CMC2: variants seen among roughly 807,000 people sequenced by gnomAD.
The protein encoded by CMC2 is COX assembly mitochondrial protein 2 homolog.
CMC2 carries 5 observed loss-of-function variants against 7.5 expected under a neutral mutation model. The observed-to-expected ratio is 0.66, with a 90% CI of 0.35 to 1.40. The LOEUF (loss-of-function observed/expected upper bound fraction) is 1.40. CMC2 is among the 40% of genes most tolerant of loss of function. The probability of loss-of-function intolerance (pLI) is 0.04; values close to 1 mark genes in which losing one functional copy is unlikely to be tolerated. For synonymous variants in CMC2, 37 were observed against 31.4 expected (o/e 1.18, Z -0.60); for missense variants, 115 against 92.3 (o/e 1.25, Z -1.01).
chr16:80,972,998 C>G lies in CMC2; in HGVS notation c.*3095G>C, dbSNP rs1045365438. On this transcript the variant is annotated 3_prime_UTR_variant, in exon 4 of 4. Coordinates refer to ENST00000219400, the MANE Select transcript of CMC2 (RefSeq NM_020188.5). ...CTCCCTCCAGCTTCTTCGGCTTCCA[C>G]TGCATATGGGAATTCAAAATATTTG... 1.3e-5 allele frequency: 2 copies of G among 152,500 alleles called. No homozygotes were observed. The highest frequency in any genetic ancestry group is 4.8e-5 in the African/African-American group (2 of 41,468). The allele number at this position is 152,500 out of a possible 1,614,324, so 9.4% of individuals were successfully genotyped here. A position where few individuals can be genotyped will look rare whatever the true frequency, so the allele number is the denominator to read the frequency against.
chr16:80,990,534 C>T (rs1370886528), intron 2 of CMC2, among the ~76,000 whole-genome samples: 4 of 152,244 alleles, frequency 2.6e-5, no homozygotes, highest in Non-Finnish European at 4.4e-5. Context: ...CCTCTCAGAA[C>T]GTAATCAATC....
intron 1 of CMC2, chr16:80,998,507 C>T (rs1193117230): frequency 1.3e-5 from 2 of 152,118 alleles, no homozygotes; most frequent in Non-Finnish European, 2.9e-5. Context: ...ACCATATGAT[C>T]CAACAATTCC....
At chr16:80,984,900 A>C (rs190903995) in intron 2 of CMC2, among the ~76,000 whole-genome samples, 176 of 152,350 alleles carry the variant, frequency 1.2e-3, no homozygotes, top group Non-Finnish European at 2.1e-3. Flanking sequence ...GCCCCAGAGA[A>C]ATTGGTAGAA....
intron 2 of CMC2, chr16:80,991,633 C>T (rs2092480031): frequency 4.9e-6 from 1 of 203,676 alleles, no homozygotes; most frequent in Non-Finnish European, 1.0e-5. Flanking sequence ...ATAGTGGACC[C>T]TGTCTCCAAA....
At chr16:80,984,110 T>C (rs1186483903) in intron 2 of CMC2, 1 of 152,220 alleles carries the variant, frequency 6.6e-6, no homozygotes, top group Non-Finnish European at 1.5e-5. Context: ...AAATAACATC[T>C]CCTAGTTGTT....
chr16:80,977,079 G>C (rs957982477), intron 3 of CMC2, among the ~76,000 whole-genome samples: 1 of 152,160 alleles, frequency 6.6e-6, no homozygotes, highest in Admixed American at 6.5e-5. Context: ...AGAGTAACTA[G>C]CTCTTAGCAA....
intron 1 of CMC2, among the ~76,000 whole-genome samples, chr16:81,002,818 T>C (rs1413289785): frequency 1.3e-5 from 2 of 152,228 alleles, no homozygotes; most frequent in Non-Finnish European, 2.9e-5. Context: ...TAATTGTATA[T>C]ATTTATAAGG....
chr16:80,999,683 A>G (rs1197731107), intron 1 of CMC2, among the ~76,000 whole-genome samples: 3 of 152,224 alleles, frequency 2.0e-5, no homozygotes, highest in South Asian at 4.1e-4. Flanking sequence ...TACAATAACC[A>G]AATCAGCAAG....
chr16:80,993,336 G>C (rs755621198), intron 2 of CMC2, among the ~76,000 whole-genome samples: 4 of 152,276 alleles, frequency 2.6e-5, no homozygotes, highest in Admixed American at 1.3e-4. Context: ...CCATGTAGCA[G>C]AGAACAGAAC....
At chr16:80,991,486 C>G (rs945663500) in intron 2 of CMC2, among the ~76,000 whole-genome samples, 9 of 151,900 alleles carry the variant, frequency 5.9e-5, no homozygotes, top group African/African-American at 2.2e-4. Flanking sequence ...TATACAAATA[C>G]AAAAAATTAT....
At chr16:80,976,652 C>T (rs933519194) in intron 3 of CMC2, among the ~76,000 whole-genome samples, 13 of 152,120 alleles carry the variant, frequency 8.5e-5, no homozygotes, top group South Asian at 2.1e-4. Context: ...TCATTTTAAA[C>T]CAAAAGTGCT....
intron 3 of CMC2, chr16:80,978,249 C>T (rs1912675847): frequency 9.4e-7 from 1 of 1,059,014 alleles, no homozygotes; most frequent in Non-Finnish European, 1.1e-6. Flanking sequence ...TACCTTTAAT[C>T]ACGTCTACTG....
chr16:80,973,492 G>T lies in CMC2; in HGVS notation c.*2601C>A, dbSNP rs1340522499. ...TCTATGTGACAGGTACTGTCACTGG[G>T]TTGAACTGGTTTAACCATAACTATT... On this transcript the variant is annotated 3_prime_UTR_variant, in exon 4 of 4. Coordinates refer to ENST00000219400, the MANE Select transcript of CMC2 (RefSeq NM_020188.5). 1 of 152,104 alleles carries T rather than the reference G, an allele frequency of 6.6e-6. No individual in the cohort carries two copies. The highest frequency in any genetic ancestry group is 1.5e-5 in the Non-Finnish European group (1 of 68,010). The allele number at this position is 152,104 out of a possible 1,614,324, so 9.4% of individuals were successfully genotyped here. A position where few individuals can be genotyped will look rare whatever the true frequency, so the allele number is the denominator to read the frequency against.
rs886961128 is a variant in CMC2, at chr16:80,969,960, G to T, written c.*6133C>A. 6.6e-6 allele frequency: 1 copy of T among 152,152 alleles called. No homozygotes were observed. Among genetic ancestry groups the T allele is most frequent in the African/African-American group, 2.4e-5 (1 of 41,438 alleles). The allele number at this position is 152,152 out of a possible 1,614,324, so 9.4% of individuals were successfully genotyped here. A position where few individuals can be genotyped will look rare whatever the true frequency, so the allele number is the denominator to read the frequency against. On this transcript the variant is annotated 3_prime_UTR_variant, in exon 4 of 4. Coordinates refer to ENST00000219400, the MANE Select transcript of CMC2 (RefSeq NM_020188.5). ...TCCTTAGGAATCTGCTGGAAAATGA[G>T]GCTCAGACAACCAAAATGACTAGGG...
At position 80,983,152 on chromosome 16, in the gene CMC2, C is replaced by T. The variant is rs181255105; in HGVS notation, c.82-1275G>A. On this transcript the variant is annotated intron_variant, in intron 2 of 3. Transcript: ENST00000219400. ...TATTGCATGAATACAATATATAATACATATAACATACAAAACATGTGTTAA... is the reference window on the plus strand; with the variant it reads ...TATTGCATGAATACAATATATAATATATATAACATACAAAACATGTGTTAA... 59 of 152,422 alleles carry T rather than the reference C, an allele frequency of 3.9e-4. No homozygotes were observed. In the East Asian group the frequency reaches 9.0e-3, roughly 23 times the overall value. The allele number at this position is 152,422 out of a possible 1,614,324, so 9.4% of individuals were successfully genotyped here.
chr16:80,981,808 C>T lies in CMC2; in HGVS notation c.151G>A (p.Glu51Lys). ...DRELRKCLKN[E>K]YVENRTKSRE... ...CCATCCTTTGACACTTTTCTTACCT[C>T]ATTCTTCAGGCATTTTCTCAACTCC... Residue 51 changes from glutamate to lysine, a missense_variant and splice_region_variant, in exon 3 of 4, where the codon GAG becomes AAG. Transcript: ENST00000219400. 1 of 1,599,464 alleles carries T rather than the reference C, an allele frequency of 6.3e-7. No homozygotes were observed. The highest frequency in any genetic ancestry group is 1.1e-5 in the South Asian group (1 of 90,178).
intron 3 of CMC2, chr16:80,978,269 C>G (rs1222100205): frequency 5.4e-6 from 6 of 1,121,060 alleles, no homozygotes; most frequent in Middle Eastern, 3.8e-4. Context: ...GGATTGCCCC[C>G]AGCAATCAGG....
At chr16:80,999,304 C>T (rs1056149537) in intron 1 of CMC2, among the ~76,000 whole-genome samples, 2 of 152,134 alleles carry the variant, frequency 1.3e-5, no homozygotes, top group Admixed American at 6.5e-5. Flanking sequence ...AGAATACAAT[C>T]CCATTTTCAA....
chr16:81,005,990 T>A (rs1346805269), intron 1 of CMC2, among the ~76,000 whole-genome samples: 1 of 152,088 alleles, frequency 6.6e-6, no homozygotes, highest in Non-Finnish European at 1.5e-5. Context: ...TCATTTTAAA[T>A]CAACTAAACA....
Sources: gnomAD v4.1 joint callset for allele counts (sites outside exome capture counted in the v4.1 genomes callset) on GRCh38, gnomAD v4.1.1 for gene constraint, MANE v1.5 for transcripts, NCBI Gene and HGNC (gene_info 2026-07-23, HGNC 2026-07-21) for gene names.